Variants in DPYD observed in about 807,000 individuals in gnomAD.
The protein encoded by DPYD is dihydropyrimidine dehydrogenase, also known as dihydropyrimidine dehydrogenase [NADP(+)].
A neutral mutation model predicts 116.2 loss-of-function variants in DPYD; 109 were observed. The observed-to-expected ratio is 0.94, with a 90% CI of 0.80 to 1.10. The LOEUF (loss-of-function observed/expected upper bound fraction) is 1.10. Among genes scored for constraint, DPYD ranks in the 50% least tolerant of loss-of-function variants. The pLI, the probability that DPYD is intolerant of heterozygous loss-of-function variation, is 0.00. For missense variants in DPYD, 1,302 were observed against 1,254.5 expected (o/e 1.04, Z -0.57); for synonymous variants, 440 against 432.0 (o/e 1.02, Z -0.23).
At chr1:97,721,431 C>A in intron 5 of DPYD, 79 bp downstream of exon 5, 2 of 1,552,372 alleles carry the variant, frequency 1.3e-6, no homozygotes, top group Admixed American at 1.7e-5. Context: ...ATCAACAGAG[C>A]ACCAAGGATT....
intron 4 of DPYD, among the ~76,000 whole-genome samples, chr1:97,728,069 T>A (rs1233841035): frequency 6.6e-6 from 1 of 151,982 alleles, no homozygotes; most frequent in African/African-American, 2.4e-5. Flanking sequence ...TGTACAGAGC[T>A]ATGTCAGGAG....
At chr1:97,117,672 G>A (rs1652084708) in intron 20 of DPYD, among the ~76,000 whole-genome samples, 1 of 151,976 alleles carries the variant, frequency 6.6e-6, no homozygotes, top group African/African-American at 2.4e-5. Flanking sequence ...TATAATTTTG[G>A]TCTACAATTT....
At chr1:97,202,894 T>C (rs1659309920) in intron 19 of DPYD, among the ~76,000 whole-genome samples, 1 of 152,192 alleles carries the variant, frequency 6.6e-6, no homozygotes, top group Non-Finnish European at 1.5e-5. Flanking sequence ...GTACAACATG[T>C]AGGGCCAAAG....
At chr1:97,335,792 A>G (rs1011574219) in intron 16 of DPYD, among the ~76,000 whole-genome samples, 2 of 152,156 alleles carry the variant, frequency 1.3e-5, no homozygotes, top group African/African-American at 4.8e-5. Flanking sequence ...GCTTTACTTC[A>G]AAGAAGTCCA....
chr1:97,748,182 A>G (rs1345664421), intron 3 of DPYD, among the ~76,000 whole-genome samples: 1 of 152,172 alleles, frequency 6.6e-6, no homozygotes, highest in Non-Finnish European at 1.5e-5. Context: ...TTTTCCTCTC[A>G]GGAGAACCAG....
chr1:97,649,302 C>A (rs1029763014), intron 8 of DPYD, among the ~76,000 whole-genome samples: 2 of 151,968 alleles, frequency 1.3e-5, no homozygotes, highest in Non-Finnish European at 2.9e-5. Flanking sequence ...TGACTATTTC[C>A]ATTTAAAAAC....
At chr1:97,544,753 ATT>A (rs1334645629) in intron 12 of DPYD, among the ~76,000 whole-genome samples, 3 of 152,116 alleles carry the variant, frequency 2.0e-5, no homozygotes, top group Non-Finnish European at 4.4e-5. Context: ...ATATTTAAGC[ATT>A]GTTTATTCAT....
chr1:97,430,195 C>T (rs956560090), intron 14 of DPYD, among the ~76,000 whole-genome samples: 3 of 152,098 alleles, frequency 2.0e-5, no homozygotes, highest in African/African-American at 7.2e-5. Context: ...GGGAGTAAAT[C>T]TGAACATAAA....
At chr1:97,423,954 A>G (rs1312906574) in intron 14 of DPYD, among the ~76,000 whole-genome samples, 1 of 152,120 alleles carries the variant, frequency 6.6e-6, no homozygotes, top group Non-Finnish European at 1.5e-5. Context: ...ATGCAGCCAA[A>G]AATAGACCTA....
chr1:97,853,140 T>C (rs1174154250), intron 2 of DPYD, among the ~76,000 whole-genome samples: 1 of 152,202 alleles, frequency 6.6e-6, no homozygotes, highest in Non-Finnish European at 1.5e-5. Context: ...CTAAACATTA[T>C]GAGGGCAGGA....
rs200687447 is a variant in DPYD, at chr1:97,193,209, C to G, written c.2482G>C (p.Glu828Gln). 2 of 1,613,816 alleles carry G rather than the reference C, an allele frequency of 1.2e-6. No homozygotes were observed. Residue 828 changes from glutamate (E) to glutamine (Q), a missense_variant, in exon 20 of 23, where the codon GAA becomes CAA. Physicochemically the swap from Glu to Gln is conservative, Grantham distance 29. Coordinates refer to ENST00000370192, the MANE Select transcript of DPYD (RefSeq NM_000110.4). ...AIQNQDFTVI[E>Q]DYCTGLKALL... ...GCTTTGAGGCCAGTGCAGTAGTCTTCGATCACAGTGAAATCCTGATTCTGA... is the reference window on the plus strand; with the variant it reads ...GCTTTGAGGCCAGTGCAGTAGTCTTGGATCACAGTGAAATCCTGATTCTGA...
chr1:97,355,660 C>T (rs917583345), intron 16 of DPYD, among the ~76,000 whole-genome samples: 17 of 152,118 alleles, frequency 1.1e-4, no homozygotes, highest in African/African-American at 3.9e-4. Flanking sequence ...TTAGAGTCCA[C>T]ATGTAAGAGA....
chr1:97,251,260 G>A (rs1247776999), intron 18 of DPYD, among the ~76,000 whole-genome samples: 2 of 151,822 alleles, frequency 1.3e-5, no homozygotes, highest in Non-Finnish European at 2.9e-5. Flanking sequence ...GTTGGTCATG[G>A]TGGCAGGCGC....
intron 5 of DPYD, among the ~76,000 whole-genome samples, chr1:97,701,071 A>G (rs1028197989): frequency 6.6e-6 from 1 of 150,692 alleles, no homozygotes; most frequent in African/African-American, 2.4e-5. Context: ...TTCCAATTAA[A>G]AGACAAAAGT....
chr1:97,363,006 G>A (rs1570596433), intron 16 of DPYD, among the ~76,000 whole-genome samples: 1 of 152,168 alleles, frequency 6.6e-6, no homozygotes, highest in South Asian at 2.1e-4. Flanking sequence ...TACCATCAGA[G>A]TGAACGGACA....
chr1:97,505,395 T>TC (rs1647244859), intron 13 of DPYD, among the ~76,000 whole-genome samples: 1 of 151,766 alleles, frequency 6.6e-6, no homozygotes, highest in Non-Finnish European at 1.5e-5. Context: ...ACCGTGACTA[T>TC]CCGTGTGCTA....
intron 20 of DPYD, among the ~76,000 whole-genome samples, chr1:97,173,305 T>TATATGCACAC (rs1557911770): frequency 5.0e-5 from 7 of 140,318 alleles, no homozygotes; most frequent in African/African-American, 1.8e-4. Context: ...CATATGTACA[T>TATATGCACAC]ATATATGCAC....
chr1:97,095,189 CT>C (rs1268943022), intron 21 of DPYD, among the ~76,000 whole-genome samples: 4 of 151,916 alleles, frequency 2.6e-5, no homozygotes, highest in African/African-American at 9.7e-5. Context: ...CGGCATAAAA[CT>C]TTTTTCTAGA....
At chr1:97,663,395 TCTC>T (rs1659378457) in intron 8 of DPYD, among the ~76,000 whole-genome samples, 6 of 152,178 alleles carry the variant, frequency 3.9e-5, no homozygotes, top group Admixed American at 3.9e-4. Context: ...TACCCTGCCT[TCTC>T]CTTCTGACTC....
Sources: allele counts gnomAD v4.1 joint callset (sites outside exome capture counted in the v4.1 genomes callset), GRCh38; gene constraint gnomAD v4.1.1; transcripts MANE v1.5; gene names NCBI Gene and HGNC (gene_info 2026-07-23, HGNC 2026-07-21).